Variants in DGKB observed in about 807,000 individuals in gnomAD.
The protein encoded by DGKB is diacylglycerol kinase beta.
DGKB carries 67 observed loss-of-function variants against 114.3 expected under a neutral mutation model. The ratio of observed to expected loss-of-function variants is 0.59; its 90% CI spans 0.48 to 0.72. The LOEUF is 0.72. Ranked by LOEUF, DGKB falls within the 30% of genes least tolerant of loss-of-function variation. The pLI, the probability that DGKB is intolerant of heterozygous loss-of-function variation, is 0.00. For missense variants in DGKB, 907 were observed against 975.2 expected, an observed-to-expected ratio of 0.93 and a Z score of 0.93; for synonymous variants, 398 against 323.1, an observed-to-expected ratio of 1.23 and a Z score of -2.49.
intron 2 of DGKB, among the ~76,000 whole-genome samples, chr7:14,792,599 A>C (rs533827097): frequency 6.8e-4 from 104 of 152,318 alleles, no homozygotes; most frequent in African/African-American, 2.4e-3. Context: ...ATAAGCTGGC[A>C]GAGAATCAAG....
intron 14 of DGKB, among the ~76,000 whole-genome samples, chr7:14,627,377 C>A (rs998169544): frequency 6.6e-6 from 1 of 151,932 alleles, no homozygotes; most frequent in Non-Finnish European, 1.5e-5. Flanking sequence ...CCATAAGTCC[C>A]GGTTTTCACA....
chr7:14,830,676 G>C (rs1241781452), intron 2 of DGKB, among the ~76,000 whole-genome samples: 1 of 151,964 alleles, frequency 6.6e-6, no homozygotes, highest in Non-Finnish European at 1.5e-5. Flanking sequence ...CACTCAAAAA[G>C]CAACACAGCC....
At chr7:14,865,950 T>G (rs1851650603) in intron 1 of DGKB, among the ~76,000 whole-genome samples, 1 of 151,858 alleles carries the variant, frequency 6.6e-6, no homozygotes, top group Admixed American at 6.6e-5. Context: ...AGGTGGAAAA[T>G]AAGGCATTTC....
intron 1 of DGKB, among the ~76,000 whole-genome samples, chr7:14,894,438 T>A (rs540421092): frequency 6.6e-6 from 1 of 151,534 alleles, no homozygotes; most frequent in South Asian, 2.1e-4. Context: ...GCTTTGAAAC[T>A]TCTTAGTGGA....
chr7:14,335,676 T>C (rs1401766317), intron 23 of DGKB, among the ~76,000 whole-genome samples: 1 of 152,230 alleles, frequency 6.6e-6, no homozygotes. Flanking sequence ...AATGATTTTG[T>C]GTGAATTTGA....
intron 9 of DGKB, among the ~76,000 whole-genome samples, chr7:14,691,755 G>C (rs1822906899): frequency 6.6e-6 from 1 of 151,474 alleles, no homozygotes; most frequent in Non-Finnish European, 1.5e-5. Flanking sequence ...ATGGGGTGGG[G>C]GGCGGAATTT....
intron 4 of DGKB, among the ~76,000 whole-genome samples, chr7:14,745,947 T>C (rs1341467053): frequency 6.6e-6 from 1 of 152,208 alleles, no homozygotes; most frequent in African/African-American, 2.4e-5. Flanking sequence ...AGGAAAACTT[T>C]CTGAAATTTC....
At chr7:14,957,187 A>C (rs936516219) in intron 1 of DGKB, among the ~76,000 whole-genome samples, 1 of 152,006 alleles carries the variant, frequency 6.6e-6, no homozygotes, top group Non-Finnish European at 1.5e-5. Context: ...AGCCTGATTC[A>C]ATGACTAAAA....
Position 14,646,151 on chromosome 7 carries a change from T to C in DGKB, c.1135-15883A>G, listed in dbSNP as rs116524398. ...CTCACTTCACTTGCAAAGACACTCA[T>C]AGACTGAAAGCAAAGGAATAGAAAA... On this transcript the variant is annotated intron_variant, in intron 13 of 25. Coordinates refer to ENST00000402815, the MANE Select transcript of DGKB (RefSeq NM_001350709.2). Among the ~76,000 whole-genome samples, 252 of 152,196 alleles carry C rather than the reference T, an allele frequency of 1.7e-3. 1 individual carries two copies. Among genetic ancestry groups the C allele is most frequent in the African/African-American group, 5.4e-3 (223 of 41,550 alleles).
intron 1 of DGKB, among the ~76,000 whole-genome samples, chr7:14,947,549 G>C (rs1256714252): frequency 1.7e-5 from 2 of 120,368 alleles, no homozygotes; most frequent in African/African-American, 6.6e-5. Context: ...TGTACAATAG[G>C]ATATATTAAA....
At position 14,857,028 on chromosome 7, in the gene DGKB, C is replaced by T. The variant is rs184131078; in HGVS notation, c.-187-15578G>A. ...ATGGCAACATGAATGGGATGTCATTCCCTACATTAGATGACATTATATGTC... is the reference window on the plus strand; with the variant it reads ...ATGGCAACATGAATGGGATGTCATTTCCTACATTAGATGACATTATATGTC... On this transcript the variant is annotated intron_variant, in intron 1 of 25. Coordinates refer to ENST00000402815, the MANE Select transcript of DGKB (RefSeq NM_001350709.2). 4.6e-5 allele frequency among the ~76,000 whole-genome samples: 7 copies of T among 152,228 alleles called. No homozygotes were observed. The East Asian group carries it at 1.4e-3, about 29-fold the overall frequency.
At chr7:14,734,807 A>G (rs1274278915) in intron 5 of DGKB, among the ~76,000 whole-genome samples, 7 of 152,222 alleles carry the variant, frequency 4.6e-5, no homozygotes, top group Non-Finnish European at 8.8e-5. Flanking sequence ...AAGTTCCTTC[A>G]GGTCTTCAAT....
At chr7:14,450,844 T>G (rs756636008) in intron 21 of DGKB, among the ~76,000 whole-genome samples, 3 of 151,980 alleles carry the variant, frequency 2.0e-5, no homozygotes, top group Non-Finnish European at 4.4e-5. Flanking sequence ...ACAAGACTCT[T>G]GAACAATGTG....
rs762565005 is a variant in DGKB at position 14,971,263 on chromosome 7, A to T, written c.-188+3433T>A. Among the ~76,000 whole-genome samples the T allele has an allele frequency of 6.8e-4, 104 of 152,162 alleles. 1 individual carries two copies. Among genetic ancestry groups the T allele is most frequent in the Admixed American group, 3.3e-4 (5 of 15,268 alleles). ...GGAGAATTCTTGGGCTCATGAAAGG[A>T]ACAATAGTCATAAATAAATATATTT... On this transcript the variant is annotated intron_variant, in intron 1 of 4. Coordinates refer to the DGKB transcript ENST00000437998.
chr7:14,637,572 G>A (rs998104163), intron 13 of DGKB, among the ~76,000 whole-genome samples: 2 of 150,828 alleles, frequency 1.3e-5, no homozygotes, highest in African/African-American at 4.9e-5. Context: ...GTATATACTT[G>A]TGATTACAAC....
chr7:14,320,154 G>T (rs929968991), intron 23 of DGKB, among the ~76,000 whole-genome samples: 9 of 152,182 alleles, frequency 5.9e-5, no homozygotes, highest in Non-Finnish European at 1.3e-4. Context: ...TGGGAGCTGA[G>T]GGGGAGGCGG....
intron 21 of DGKB, among the ~76,000 whole-genome samples, chr7:14,385,051 G>A (rs140736722): frequency 1.4e-3 from 207 of 152,210 alleles, no homozygotes; most frequent in Middle Eastern, 6.8e-3. Flanking sequence ...TTCTTTCTTG[G>A]TGGTGGAGGT....
chr7:14,485,615 C>G (rs1045860366), intron 20 of DGKB, among the ~76,000 whole-genome samples: 1 of 151,964 alleles, frequency 6.6e-6, no homozygotes, highest in Non-Finnish European at 1.5e-5. Context: ...ATAGGGACAC[C>G]TGGCCGGGTG....
chr7:14,768,077 C>A (rs571618709), intron 2 of DGKB, among the ~76,000 whole-genome samples: 4 of 152,090 alleles, frequency 2.6e-5, no homozygotes, highest in African/African-American at 9.6e-5. Context: ...TCTATTTATC[C>A]TGTGAGCATA....
Sources: gnomAD v4.1 joint callset for allele counts (sites outside exome capture counted in the v4.1 genomes callset) on GRCh38, gnomAD v4.1.1 for gene constraint, MANE v1.5 for transcripts, NCBI Gene and HGNC (gene_info 2026-07-23, HGNC 2026-07-21) for gene names.